Variants in ADPGK observed in about 807,000 individuals in gnomAD.
The protein encoded by ADPGK is ADP dependent glucokinase, also known as ADP-dependent glucokinase.
In ADPGK, 26 loss-of-function variants were observed where a neutral mutation model predicts 42.4. The ratio of observed to expected loss-of-function variants is 0.61; its 90% CI spans 0.45 to 0.85. The LOEUF (loss-of-function observed/expected upper bound fraction) is 0.85, where lower values mean the gene tolerates loss of function less well. ADPGK is among the 40% of genes least tolerant of loss of function. The probability of loss-of-function intolerance (pLI) is 0.00; values close to 1 mark genes in which losing one functional copy is unlikely to be tolerated. For synonymous variants in ADPGK, 267 were observed against 252.6 expected, an observed-to-expected ratio of 1.06 and a Z score of -0.54; for missense variants, 571 against 627.0, an observed-to-expected ratio of 0.91 and a Z score of 0.95.
At position 72,783,558 on chromosome 15, in the gene ADPGK, G is replaced by A. The variant is rs945513502; in HGVS notation, c.134C>T (p.Pro45Leu). The part of the protein sequence containing the change: ...LWSSLCLGPA[P>L]APPGPVSPEG... ...GGGGGAGACGGGTCCCGGGGGCGCA[G>A]GCGCGGGCCCCAGACACAGCGAGCT... Residue 45 changes from proline to leucine, a missense_variant, in exon 1 of 7, where the codon CCT becomes CTT. Pro to Leu is a moderately conservative substitution (Grantham distance 98, BLOSUM62 -3). Coordinates refer to ENST00000456471, the MANE Select transcript of ADPGK (RefSeq NM_001365225.1). 3 of 1,499,462 alleles carry A rather than the reference G, an allele frequency of 2.0e-6. No individual in the cohort carries two copies. Among genetic ancestry groups the A allele is most frequent in the Non-Finnish European group, 2.7e-6 (3 of 1,131,892 alleles). The allele number at this position is 1,499,462 out of a possible 1,614,324, so 92.9% of individuals were successfully genotyped here.
At chr15:72,776,689 T>C (rs2066396625) in intron 1 of ADPGK, among the ~76,000 whole-genome samples, 1 of 152,160 alleles carries the variant, frequency 6.6e-6, no homozygotes, top group Non-Finnish European at 1.5e-5. Flanking sequence ...TTACATCACT[T>C]AAGGAAGATT....
chr15:72,759,691 T>C (rs749896076), intron 4 of ADPGK, among the ~76,000 whole-genome samples: 1 of 150,684 alleles, frequency 6.6e-6, no homozygotes, highest in Non-Finnish European at 1.5e-5. Context: ...GTATTAACAA[T>C]GTGTTGAATC....
chr15:72,764,671 A>G (rs2066236148), intron 3 of ADPGK, among the ~76,000 whole-genome samples: 1 of 152,252 alleles, frequency 6.6e-6, no homozygotes, highest in Non-Finnish European at 1.5e-5. Flanking sequence ...TATACAAAAC[A>G]GCCTTCTGTT....
chr15:72,764,662 A>G (rs2066236051), intron 3 of ADPGK, among the ~76,000 whole-genome samples: 1 of 152,252 alleles, frequency 6.6e-6, no homozygotes, highest in Non-Finnish European at 1.5e-5. Context: ...GGTTCGATGT[A>G]TACAAAACAG....
intron 4 of ADPGK, chr15:72,757,201 C>CTTTTTTT (rs34450649): frequency 4.9e-5 from 6 of 123,402 alleles, no homozygotes; most frequent in Non-Finnish European, 6.7e-5. Context: ...TTCTTTTTTC[C>CTTTTTTT]TTTTTTTTTT....
At position 72,774,970 on chromosome 15, in the gene ADPGK, G is replaced by A. The variant is rs1318298486; in HGVS notation, c.361C>T (p.His121Tyr). 1 of 1,614,046 alleles carries A rather than the reference G, an allele frequency of 6.2e-7. No homozygotes were observed. Among genetic ancestry groups the A allele is most frequent in the Non-Finnish European group, 8.5e-7 (1 of 1,180,040 alleles). ...GCAGCTGCTCCCTTCCCCATGAAGT[G>A]AATGAAGGCTTCTTCCAGATCATTC... ...SRNDLEEAFI[H>Y]FMGKGAAAER... The change falls in exon 2 of 7, where the codon CAC becomes TAC. Residue 121 changes from histidine (H) to tyrosine (Y), a missense_variant. By Grantham distance (83) the His-to-Tyr change is moderately conservative. Transcript: ENST00000456471.
intron 6 of ADPGK, among the ~76,000 whole-genome samples, chr15:72,755,252 C>G (rs2066096286): frequency 6.6e-6 from 1 of 152,258 alleles, no homozygotes; most frequent in Admixed American, 6.5e-5. Flanking sequence ...TGAAGTTCAA[C>G]TGAAAGCAGC....
At chr15:72,765,717 G>A (rs2066249977) in intron 3 of ADPGK, among the ~76,000 whole-genome samples, 1 of 152,200 alleles carries the variant, frequency 6.6e-6, no homozygotes, top group Non-Finnish European at 1.5e-5. Context: ...TGCAGATGTG[G>A]TGAAAACAGC....
intron 4 of ADPGK, chr15:72,756,764 A>G (rs1379278449): frequency 3.2e-5 from 12 of 374,008 alleles, no homozygotes; most frequent in Non-Finnish European, 5.9e-5. Context: ...ACAGAATGGC[A>G]GCATGACTTC....
In ADPGK at chr15:72,783,656, G is replaced by C; in HGVS notation, c.36C>G (p.Phe12Leu). The C allele has an allele frequency of 6.6e-7, 1 of 1,508,148 alleles. No individual in the cohort carries two copies. Among genetic ancestry groups the C allele is most frequent in the Non-Finnish European group, 8.8e-7 (1 of 1,135,862 alleles). The allele number at this position is 1,508,148 out of a possible 1,614,324, so 93.4% of individuals were successfully genotyped here. ...ALWRGSAYAG[F>L]LALAVGCVFL... ...AGACGCAGCCCACGGCCAGCGCCAG[G>C]AAGCCCGCGTACGCGGAGCCGCGCC... Residue 12 changes from phenylalanine (F) to leucine (L), a missense_variant, in exon 1 of 7, where the codon TTC becomes TTG. Around this residue, in one of 2 missense-constraint regions of ADPGK, gnomAD observed 137 missense variants for 104.2 expected, o/e 1.31. Transcript: ENST00000456471.
At chr15:72,760,206 T>C in intron 4 of ADPGK, 1 of 456,590 alleles carries the variant, frequency 2.2e-6, no homozygotes, top group Non-Finnish European at 3.5e-6. Flanking sequence ...GGGAATTTTC[T>C]TCCATGTTAT....
intron 3 of ADPGK, among the ~76,000 whole-genome samples, chr15:72,767,760 T>C (rs969492058): frequency 6.6e-6 from 1 of 152,130 alleles, no homozygotes; most frequent in African/African-American, 2.4e-5. Flanking sequence ...TATTTTGAAA[T>C]GAATGAAAAT....
intron 1 of ADPGK, 95 bp downstream of exon 1, chr15:72,783,364 C>CG: frequency 7.7e-7 from 1 of 1,299,004 alleles, no homozygotes; most frequent in Non-Finnish European, 9.7e-7. Flanking sequence ...CAGCGCCTCC[C>CG]GGGGACCTCT....
chr15:72,778,312 G>C (rs1480682269), intron 1 of ADPGK, among the ~76,000 whole-genome samples: 1 of 152,074 alleles, frequency 6.6e-6, no homozygotes, highest in Non-Finnish European at 1.5e-5. Context: ...GTACTTTCTT[G>C]TTCTGTTTTA....
chr15:72,771,887 A>G, intron 2 of ADPGK, 42 bp from the exon 3 acceptor site: 2 of 1,452,888 alleles, frequency 1.4e-6, no homozygotes, highest in Non-Finnish European at 1.9e-6. Context: ...TTTTAATACA[A>G]CTATATCACC....
intron 6 of ADPGK, among the ~76,000 whole-genome samples, chr15:72,753,636 T>C (rs2066075590): frequency 6.6e-6 from 1 of 152,212 alleles, no homozygotes; most frequent in South Asian, 2.1e-4. Flanking sequence ...TTTAATGGCC[T>C]ACATCTTTGT....
Position 72,755,642 on chromosome 15 carries a change from T to C in ADPGK, c.853A>G (p.Ile285Val), listed in dbSNP as rs1396811857. 1.2e-6 allele frequency: 2 copies of C among 1,613,386 alleles called. No homozygotes were observed. Among genetic ancestry groups the C allele is most frequent in the East Asian group, 2.2e-5 (1 of 44,874 alleles). The stretch of plus-strand genomic sequence containing the variant: ...GGAATACCAGTGGGGATGTCAGAAA[T>C]GGAGGTTACAACCTGCAAAGAGAAG... ...RKRLLEVVTS[I>V]SDIPTGIPVH... Residue 285 changes from isoleucine to valine, a missense_variant, in exon 6 of 7, where the codon ATT (isoleucine) becomes GTT (valine). Physicochemically the swap from Ile to Val is conservative, Grantham distance 29. This residue lies in a region of ADPGK where 434 missense variants were observed against 522.7 expected (regional missense o/e 0.83). Coordinates refer to ENST00000456471, the MANE Select transcript of ADPGK (RefSeq NM_001365225.1).
chr15:72,760,251 C>T lies in ADPGK; in HGVS notation c.643+156G>A, dbSNP rs545307647. Reference sequence around the variant, plus strand: ...TCTCCCTTGAGACAACGGCCAGTATCAGCTCAGTAGAACCAATAGGTCAGG... The same window carrying T: ...TCTCCCTTGAGACAACGGCCAGTATTAGCTCAGTAGAACCAATAGGTCAGG... On this transcript the variant is annotated intron_variant, in intron 4 of 6. Transcript: ENST00000456471. The T allele has an allele frequency of 7.9e-5, 71 of 903,164 alleles. 1 individual carries two copies. The South Asian group carries it at 1.7e-3, about 21-fold the overall frequency. 55.9% of individuals were successfully genotyped at this position (903,164 alleles called of 1,614,324 possible).
rs777840912 is a variant in ADPGK, at chr15:72,775,009, T to C, written c.322A>G (p.Ile108Val). 6.2e-7 allele frequency: 1 copy of C among 1,614,154 alleles called. No individual in the cohort carries two copies. The highest frequency in any genetic ancestry group is 1.1e-5 in the South Asian group (1 of 91,078). ...TCCAGATCATTCCTTGAATGCAGAA[T>C]GCTGTGATCTTTCCCATTCCCAGGA... ...LSPGNGKDHSILHSRNDLEEA... is the reference protein window; with the variant it reads ...LSPGNGKDHSVLHSRNDLEEA... Residue 108 changes from isoleucine (I) to valine (V), a missense_variant, in exon 2 of 7, where the codon ATT (isoleucine) becomes GTT (valine). This residue lies in a region of ADPGK where 434 missense variants were observed against 522.7 expected (regional missense o/e 0.83). Coordinates refer to ENST00000456471, the MANE Select transcript of ADPGK (RefSeq NM_001365225.1).
Sources: gnomAD v4.1 joint callset for allele counts (sites outside exome capture counted in the v4.1 genomes callset) on GRCh38, gnomAD v4.1.1 for gene constraint, gnomAD v4.1.1 regional missense constraint, MANE v1.5 for transcripts, NCBI Gene and HGNC (gene_info 2026-07-23, HGNC 2026-07-21) for gene names.